Variants in WWTR1 observed in about 807,000 individuals in gnomAD.
WWTR1 encodes WW domain-containing transcription regulator protein 1.
WWTR1 carries 13 observed loss-of-function variants against 40.1 expected under a neutral mutation model. That is an observed-to-expected ratio of 0.32 (90% CI 0.21 to 0.52). The LOEUF (loss-of-function observed/expected upper bound fraction) is 0.52. Among genes scored for constraint, WWTR1 ranks in the 20% least tolerant of loss-of-function variants. The pLI, the probability that WWTR1 is intolerant of heterozygous loss-of-function variation, is 0.97. For synonymous variants in WWTR1, 230 were observed against 210.1 expected, an observed-to-expected ratio of 1.09 and a Z score of -0.82; for missense variants, 436 against 523.1, an observed-to-expected ratio of 0.83 and a Z score of 1.63.
chr3:149,686,366 G>A (rs1315540595), intron 1 of WWTR1, among the ~76,000 whole-genome samples: 1 of 152,168 alleles, frequency 6.6e-6, no homozygotes, highest in African/African-American at 2.4e-5. Context: ...TAAGAGTGAA[G>A]AAACCAGCTA....
At chr3:149,552,162 A>AC (rs1205896752) in intron 3 of WWTR1, among the ~76,000 whole-genome samples, 3 of 145,072 alleles carry the variant, frequency 2.1e-5, no homozygotes, top group Non-Finnish European at 4.5e-5. Flanking sequence ...ATTTGAACTA[A>AC]CTCTCATGTT....
At chr3:149,724,001 A>G (rs918438891) in intron 4 of WWTR1, 4 of 152,216 alleles carry the variant, frequency 2.6e-5, no homozygotes, top group Admixed American at 6.5e-5. Context: ...GCTGAAATTG[A>G]TGAAAATTAA....
At chr3:149,665,160 G>T (rs1392461900) in intron 2 of WWTR1, among the ~76,000 whole-genome samples, 2 of 151,556 alleles carry the variant, frequency 1.3e-5, no homozygotes, top group Non-Finnish European at 2.9e-5. Context: ...AATGATCAGG[G>T]CATATTGCAG....
intron 2 of WWTR1, among the ~76,000 whole-genome samples, chr3:149,600,424 A>G (rs528893110): frequency 3.3e-5 from 5 of 152,346 alleles, no homozygotes; most frequent in Non-Finnish European, 5.9e-5. Context: ...CCAAAAGGGA[A>G]AAGAGGAGCC....
At chr3:149,620,570 C>CCCA (rs1553799939) in intron 2 of WWTR1, among the ~76,000 whole-genome samples, 77 of 150,598 alleles carry the variant, frequency 5.1e-4, no homozygotes, top group African/African-American at 1.7e-3. Context: ...CCGCTCCCCC[C>CCCA]CACACACACA....
At chr3:149,662,719 A>G (rs1467613322), upstream of WWTR1, among the ~76,000 whole-genome samples, 2 of 152,146 alleles carry the variant, frequency 1.3e-5, no homozygotes, top group Non-Finnish European at 2.9e-5. Context: ...GTTCACAAGT[A>G]TATGAGTCAA....
Position 149,559,959 on chromosome 3 carries a change from T to C in WWTR1, c.568+12905A>G, listed in dbSNP as rs117493322. ...GGAGGTCTTTCAGAAGAAACGCCAC[T>C]GGATAGCTGCCCCTGAGGACCAGAC... is the stretch of plus-strand genomic sequence containing the variant. On this transcript the variant is annotated intron_variant, in intron 3 of 6. Transcript: ENST00000360632. Among the ~76,000 whole-genome samples the C allele has an allele frequency of 4.9e-4, 75 of 152,272 alleles. No individual in the cohort carries two copies. The East Asian group carries it at 0.014, about 28-fold the overall frequency.
chr3:149,665,376 C>T (rs955673089), intron 2 of WWTR1, among the ~76,000 whole-genome samples: 2 of 151,952 alleles, frequency 1.3e-5, no homozygotes, highest in Non-Finnish European at 2.9e-5. Context: ...CAGGAGCCCA[C>T]CATCATGCCC....
chr3:149,655,127 AAAAG>A (rs202179151), intron 2 of WWTR1, among the ~76,000 whole-genome samples: 94 of 147,382 alleles, frequency 6.4e-4, no homozygotes, highest in Admixed American at 3.5e-3. Flanking sequence ...CTCCATCTAA[AAAAG>A]AAAGAAAGAA....
At chr3:149,535,063 T>G (rs1735761064) in intron 4 of WWTR1, among the ~76,000 whole-genome samples, 2 of 152,062 alleles carry the variant, frequency 1.3e-5, no homozygotes, top group Admixed American at 1.3e-4. Context: ...GAGGGAACAC[T>G]CTGCCAGCCA....
intron 2 of WWTR1, among the ~76,000 whole-genome samples, chr3:149,634,708 T>C (rs1711723659): frequency 6.6e-6 from 1 of 152,252 alleles, no homozygotes; most frequent in African/African-American, 2.4e-5. Flanking sequence ...CCACCTCTCC[T>C]GTGGAGCTCC....
chr3:149,561,973 T>G (rs933716719), intron 3 of WWTR1, among the ~76,000 whole-genome samples: 1 of 152,046 alleles, frequency 6.6e-6, no homozygotes, highest in African/African-American at 2.4e-5. Context: ...CTTTTCTAAT[T>G]AAAACAACTC....
At chr3:149,605,991 T>C (rs541653743) in intron 2 of WWTR1, among the ~76,000 whole-genome samples, 2 of 152,144 alleles carry the variant, frequency 1.3e-5, no homozygotes, top group Non-Finnish European at 2.9e-5. Context: ...GGTAGTTAGA[T>C]CATGGGGGCA....
intron 2 of WWTR1, among the ~76,000 whole-genome samples, chr3:149,574,148 G>A (rs998303634): frequency 4.0e-5 from 6 of 151,698 alleles, no homozygotes; most frequent in Admixed American, 6.6e-5. Flanking sequence ...TTCCCACCTT[G>A]GCCTACTGAG....
At chr3:149,677,779 G>T (rs927255229) in intron 1 of WWTR1, among the ~76,000 whole-genome samples, 6 of 150,918 alleles carry the variant, frequency 4.0e-5, no homozygotes, top group African/African-American at 1.5e-4. Flanking sequence ...AGCAGAGGTT[G>T]CAGTGAGACA....
At chr3:149,563,115 T>C (rs1737160572) in intron 3 of WWTR1, among the ~76,000 whole-genome samples, 1 of 151,996 alleles carries the variant, frequency 6.6e-6, no homozygotes. Context: ...AGGATGAAAA[T>C]TGTCAAAATT....
At chr3:149,601,857 A>G (rs1739259871) in intron 2 of WWTR1, among the ~76,000 whole-genome samples, 1 of 152,232 alleles carries the variant, frequency 6.6e-6, no homozygotes, top group African/African-American at 2.4e-5. Context: ...TAAGCAAGCC[A>G]TGTAATCATA....
chr3:149,723,185 CTTTTTT>C (rs35573546), intron 4 of WWTR1, among the ~76,000 whole-genome samples: 1 of 101,816 alleles, frequency 9.8e-6, no homozygotes, highest in Non-Finnish European at 1.9e-5. Flanking sequence ...CTTTTCTTTT[CTTTTTT>C]TTTTTTTTTT....
chr3:149,676,716 A>T (rs1714272398), intron 1 of WWTR1, among the ~76,000 whole-genome samples: 1 of 152,122 alleles, frequency 6.6e-6, no homozygotes, highest in Admixed American at 6.5e-5. Flanking sequence ...TTCAAGGTAC[A>T]TGCCCTGCTT....
Sources: allele counts gnomAD v4.1 joint callset (sites outside exome capture counted in the v4.1 genomes callset), GRCh38; gene constraint gnomAD v4.1.1; transcripts MANE v1.5; gene names NCBI Gene and HGNC (gene_info 2026-07-23, HGNC 2026-07-21).